COL23A1: variants seen among roughly 807,000 people sequenced by gnomAD.
COL23A1 encodes the protein collagen alpha-1(XXIII) chain.
In COL23A1, 97 loss-of-function variants were observed where a neutral mutation model predicts 99.3. The ratio of observed to expected loss-of-function variants is 0.98; its 90% CI spans 0.83 to 1.16. The LOEUF is 1.16. Ranked by LOEUF, COL23A1 falls within the 50% of genes most tolerant of loss-of-function variation. The probability of loss-of-function intolerance (pLI) is 0.00; values close to 1 mark genes in which losing one functional copy is unlikely to be tolerated. For synonymous variants in COL23A1, 320 were observed against 308.2 expected, an observed-to-expected ratio of 1.04 and a Z score of -0.40; for missense variants, 762 against 757.4, an observed-to-expected ratio of 1.01 and a Z score of -0.07.
rs1284241913 is a variant in COL23A1 at position 178,585,529 on chromosome 5, G to A, written c.294+4375C>T. ...GTAACACTCCACGTCCCTGGATGAC[G>A]CTGGAGTAACACTCCACAGCCCTGG... On this transcript the variant is annotated intron_variant, in intron 1 of 28. Coordinates refer to ENST00000390654, the MANE Select transcript of COL23A1 (RefSeq NM_173465.4). 2.0e-5 allele frequency among the ~76,000 whole-genome samples: 3 copies of A among 147,520 alleles called. 1 individual carries two copies. Among genetic ancestry groups the A allele is most frequent in the Admixed American group, 6.7e-5 (1 of 14,872 alleles).
At chr5:178,259,364 C>G (rs558786014) in intron 12 of COL23A1, among the ~76,000 whole-genome samples, 1 of 152,314 alleles carries the variant, frequency 6.6e-6, no homozygotes, top group South Asian at 2.1e-4. Flanking sequence ...CAAACAAACT[C>G]TGGCCCCATC....
At chr5:178,374,762 T>C (rs1762982817) in intron 2 of COL23A1, among the ~76,000 whole-genome samples, 1 of 152,294 alleles carries the variant, frequency 6.6e-6, no homozygotes, top group East Asian at 1.9e-4. Context: ...CCCTCATACA[T>C]GGCTGGTGGG....
At chr5:178,469,466 G>A (rs1030773338) in intron 2 of COL23A1, among the ~76,000 whole-genome samples, 3 of 152,094 alleles carry the variant, frequency 2.0e-5, no homozygotes, top group African/African-American at 7.2e-5. Context: ...ACACACACAT[G>A]CTGAAGGCTG....
intron 2 of COL23A1, among the ~76,000 whole-genome samples, chr5:178,504,474 G>A (rs547141910): frequency 1.4e-4 from 21 of 152,228 alleles, no homozygotes; most frequent in Non-Finnish European, 2.5e-4. Context: ...TGGGACCCTC[G>A]AGGTCCCTGC....
intron 2 of COL23A1, among the ~76,000 whole-genome samples, chr5:178,504,328 C>G (rs1758744192): frequency 6.6e-6 from 1 of 152,170 alleles, no homozygotes; most frequent in Non-Finnish European, 1.5e-5. Context: ...AAAAACCTGC[C>G]TTCCCTTGGT....
intron 2 of COL23A1, among the ~76,000 whole-genome samples, chr5:178,448,600 A>G (rs923350131): frequency 6.6e-6 from 1 of 152,226 alleles, no homozygotes; most frequent in Non-Finnish European, 1.5e-5. Flanking sequence ...GGTCGAAGGC[A>G]TTACAAGGTG....
At chr5:178,587,772 T>C (rs1780157477) in intron 1 of COL23A1, among the ~76,000 whole-genome samples, 1 of 152,218 alleles carries the variant, frequency 6.6e-6, no homozygotes, top group Non-Finnish European at 1.5e-5. Context: ...CACAGTGCTC[T>C]CCTCCCAGCC....
intron 2 of COL23A1, among the ~76,000 whole-genome samples, chr5:178,348,235 G>C (rs1761101902): frequency 6.6e-6 from 1 of 152,174 alleles, no homozygotes; most frequent in Non-Finnish European, 1.5e-5. Context: ...TCTGCCTCTT[G>C]CAGGGACCTC....
At chr5:178,361,974 C>T (rs1196006123) in intron 2 of COL23A1, among the ~76,000 whole-genome samples, 1 of 152,164 alleles carries the variant, frequency 6.6e-6, no homozygotes. Flanking sequence ...AGTCACTGGA[C>T]GCCCCCTAGG....
At chr5:178,585,985 C>T (rs1250487889) in intron 1 of COL23A1, among the ~76,000 whole-genome samples, 1 of 152,188 alleles carries the variant, frequency 6.6e-6, no homozygotes, top group Non-Finnish European at 1.5e-5. Flanking sequence ...ATTAAAGAGA[C>T]AACCTCTCAA....
chr5:178,441,521 C>G (rs758080292), intron 2 of COL23A1, among the ~76,000 whole-genome samples: 54 of 152,100 alleles, frequency 3.6e-4, no homozygotes, highest in Non-Finnish European at 6.3e-4. Flanking sequence ...GGTACAGGCG[C>G]ACAGGGGCTT....
At chr5:178,329,810 G>C (rs933767609) in intron 2 of COL23A1, among the ~76,000 whole-genome samples, 5 of 152,236 alleles carry the variant, frequency 3.3e-5, no homozygotes, top group Non-Finnish European at 7.4e-5. Flanking sequence ...GCTGGTAGGA[G>C]TCTGTAGTCC....
At chr5:178,564,739 G>A (rs1232414356) in intron 1 of COL23A1, among the ~76,000 whole-genome samples, 1 of 152,178 alleles carries the variant, frequency 6.6e-6, no homozygotes, top group Non-Finnish European at 1.5e-5. Flanking sequence ...CAGAGGATAC[G>A]TTTATTAACG....
chr5:178,447,079 T>C (rs1318055470), intron 2 of COL23A1, among the ~76,000 whole-genome samples: 1 of 150,274 alleles, frequency 6.7e-6, no homozygotes, highest in Non-Finnish European at 1.5e-5. Context: ...TATATTACCT[T>C]TATTCTTTTT....
At chr5:178,582,388 C>G (rs1763708950) in intron 1 of COL23A1, among the ~76,000 whole-genome samples, 1 of 152,080 alleles carries the variant, frequency 6.6e-6, no homozygotes, top group African/African-American at 2.4e-5. Context: ...GAGGAGGGCA[C>G]TGTGAAGGAT....
rs979643258 is a variant in COL23A1 at position 178,340,679 on chromosome 5, C to A, written c.362-33760G>T. ...GGCTCTGCATGTGTTTGGCTGATGGCAAACTGGACACCGGGGATTCTAGTC... is the reference window on the plus strand; with the variant it reads ...GGCTCTGCATGTGTTTGGCTGATGGAAAACTGGACACCGGGGATTCTAGTC... On this transcript the variant is annotated intron_variant, in intron 2 of 28. Transcript: ENST00000390654. The surrounding 1 kb of genome is among the most constrained non-coding windows in gnomAD (Gnocchi z 4.7). Among the ~76,000 whole-genome samples the A allele has an allele frequency of 6.6e-6, 1 of 152,212 alleles. No homozygotes were observed. The highest frequency in any genetic ancestry group is 1.5e-5 in the Non-Finnish European group (1 of 68,034).
At chr5:178,400,366 C>CAAAAAAA (rs58417444) in intron 2 of COL23A1, among the ~76,000 whole-genome samples, 1 of 62,830 alleles carries the variant, frequency 1.6e-5, no homozygotes, top group Non-Finnish European at 2.9e-5. Context: ...GACTCCGTCT[C>CAAAAAAA]AAAAAAAAAA....
chr5:178,498,205 AATATATATATAT>A (rs1159261586), intron 2 of COL23A1, among the ~76,000 whole-genome samples: 544 of 34,452 alleles, frequency 0.016, 8 homozygotes, highest in African/African-American at 0.03. Context: ...TCTTTATTTA[AATATATATATAT>A]ATATATATAT....
intron 2 of COL23A1, among the ~76,000 whole-genome samples, chr5:178,357,489 A>AACCGTCCGCTGGG (rs1175853268): frequency 6.6e-5 from 10 of 152,178 alleles, no homozygotes; most frequent in African/African-American, 2.4e-4. Flanking sequence ...TTGAGGTTTT[A>AACCGTCCGCTGGG]ACCGTCCGCT....
Sources: allele counts gnomAD v4.1 joint callset (sites outside exome capture counted in the v4.1 genomes callset), GRCh38; gene constraint gnomAD v4.1.1; non-coding constraint Gnocchi (gnomAD v3.1); transcripts MANE v1.5; gene names NCBI Gene and HGNC (gene_info 2026-07-23, HGNC 2026-07-21).